EVL: variants seen among roughly 807,000 people sequenced by gnomAD.
EVL encodes Enah/Vasp-like.
In EVL, 21 loss-of-function variants were observed where a neutral mutation model predicts 59.6. The ratio of observed to expected loss-of-function variants is 0.35; its 90% CI spans 0.25 to 0.51. The LOEUF (loss-of-function observed/expected upper bound fraction) is 0.51, where lower values mean the gene tolerates loss of function less well. EVL is among the 20% of genes least tolerant of loss of function. EVL has a pLI of 0.97. For missense variants in EVL, 462 were observed against 546.6 expected (o/e 0.85, Z 1.54); for synonymous variants, 198 against 203.5 (o/e 0.97, Z 0.23).
intron 1 of EVL, among the ~76,000 whole-genome samples, chr14:100,023,367 G>C (rs2061159067): frequency 6.9e-6 from 1 of 145,270 alleles, no homozygotes; most frequent in Non-Finnish European, 1.5e-5. Flanking sequence ...ACCAAGCCCG[G>C]CTAATTTTTT....
intron 1 of EVL, among the ~76,000 whole-genome samples, chr14:100,005,430 T>C (rs1190443247): frequency 6.6e-6 from 1 of 152,180 alleles, no homozygotes; most frequent in East Asian, 1.9e-4. Flanking sequence ...TTGTAACCCC[T>C]ATGCCAAATT....
chr14:100,001,428 T>C (rs921847998), intron 1 of EVL, among the ~76,000 whole-genome samples: 2 of 152,230 alleles, frequency 1.3e-5, no homozygotes, highest in Non-Finnish European at 2.9e-5. Flanking sequence ...TGAAATAGAA[T>C]TCGTCTCTCT....
intron 1 of EVL, among the ~76,000 whole-genome samples, chr14:100,024,090 C>T (rs2061171618): frequency 6.6e-6 from 1 of 152,214 alleles, no homozygotes; most frequent in South Asian, 2.1e-4. Context: ...GATCTGAAAT[C>T]CACAATTGCT....
At chr14:100,092,922 C>G (rs754866753) in intron 2 of EVL, among the ~76,000 whole-genome samples, 2 of 152,186 alleles carry the variant, frequency 1.3e-5, no homozygotes, top group Non-Finnish European at 2.9e-5. Context: ...AAATAAGAAA[C>G]ATGGTTATCT....
chr14:100,063,637 A>G (rs1440890580), upstream of EVL, among the ~76,000 whole-genome samples: 4 of 152,232 alleles, frequency 2.6e-5, no homozygotes, highest in Non-Finnish European at 5.9e-5. Flanking sequence ...TAGAATAATT[A>G]GACAAAAACA....
chr14:100,139,027 A>C (rs1888990792), intron 11 of EVL: 1 of 152,196 alleles, frequency 6.6e-6, no homozygotes, highest in South Asian at 2.1e-4. Context: ...GCGGAGTTAG[A>C]AGTTTGCATT....
At position 100,059,140 on chromosome 14, in the gene EVL, A is replaced by G. The variant is rs554739952; in HGVS notation, c.6-25547A>G. On this transcript the variant is annotated intron_variant, in intron 1 of 13. Coordinates refer to the EVL transcript ENST00000402714. ...ACTTGCTCTCTTGACAAAAGCAACT[A>G]TGAAACTGTGTAAAATATGTGAAGC... 3.4e-4 allele frequency among the ~76,000 whole-genome samples: 52 copies of G among 151,572 alleles called. 1 individual carries two copies. The South Asian group carries it at 5.0e-3, about 15-fold the overall frequency.
At chr14:100,015,730 A>G (rs1243738934) in intron 1 of EVL, among the ~76,000 whole-genome samples, 1 of 152,130 alleles carries the variant, frequency 6.6e-6, no homozygotes, top group Non-Finnish European at 1.5e-5. Flanking sequence ...TTCTACTTTG[A>G]TCAGTTGTAT....
chr14:100,019,511 C>T, intron 1 of EVL: 1 of 607,126 alleles, frequency 1.6e-6, no homozygotes, highest in South Asian at 2.4e-5. Flanking sequence ...GCTGCAGGCC[C>T]CTGTCTGCAG....
chr14:100,102,695 C>A (rs899233348), intron 3 of EVL, among the ~76,000 whole-genome samples: 2 of 152,118 alleles, frequency 1.3e-5, no homozygotes, highest in African/African-American at 4.8e-5. Flanking sequence ...CCATGCTGGC[C>A]CCTACCCACC....
intron 1 of EVL, among the ~76,000 whole-genome samples, chr14:100,036,483 G>C (rs2061390285): frequency 6.6e-6 from 1 of 152,142 alleles, no homozygotes; most frequent in Admixed American, 6.5e-5. Flanking sequence ...TGACAAGAGA[G>C]CAAGTTCTCA....
rs1458884058 is a variant in EVL at position 100,114,299 on chromosome 14, C to T, written c.359-9240C>T. Among the ~76,000 whole-genome samples the T allele has an allele frequency of 1.3e-5, 2 of 152,096 alleles. No homozygotes were observed. Among genetic ancestry groups the T allele is most frequent in the Admixed American group, 1.3e-4 (2 of 15,272 alleles). On this transcript the variant is annotated intron_variant, in intron 3 of 13. Transcript: ENST00000392920. The surrounding 1 kb of genome is among the most constrained non-coding windows in gnomAD (Gnocchi z 5.0). Reference sequence around the variant, plus strand: ...TCTCTGCACACTTGCTCCCTTCTGACGCCACACCTACCCTGTTCCATCCCA... The same window carrying T: ...TCTCTGCACACTTGCTCCCTTCTGATGCCACACCTACCCTGTTCCATCCCA...
intron 1 of EVL, chr14:100,074,832 G>GAGGAGGGCAAGA (rs920145676): frequency 2.0e-5 from 3 of 152,928 alleles, no homozygotes; most frequent in Non-Finnish European, 4.4e-5. Flanking sequence ...CACAGGAGGC[G>GAGGAGGGCAAGA]AGGAGGGCAA....
chr14:100,022,243 C>CCTGAGAG (rs1462192769), intron 1 of EVL, among the ~76,000 whole-genome samples: 1 of 151,708 alleles, frequency 6.6e-6, no homozygotes, highest in African/African-American at 2.4e-5. Context: ...CATCCCCAGC[C>CCTGAGAG]CTGAGAGCAG....
chr14:99,977,286 G>C (rs2060776494), intron 1 of EVL: 2 of 152,038 alleles, frequency 1.3e-5, no homozygotes, highest in Non-Finnish European at 2.9e-5. Flanking sequence ...AAAAGATTTG[G>C]GGGGCAGGTA....
intron 4 of EVL, among the ~76,000 whole-genome samples, chr14:100,125,251 A>AAT (rs1201133710): frequency 1.0e-5 from 1 of 97,818 alleles, no homozygotes; most frequent in East Asian, 2.9e-4. Context: ...CCAAGGCAGG[A>AAT]ATACACACAC....
chr14:100,093,647 C>T lies in EVL; in HGVS notation c.181-3834C>T, dbSNP rs78300088. Among the ~76,000 whole-genome samples the T allele has an allele frequency of 3.1e-3, 467 of 152,286 alleles. 4 individuals carry two copies. The highest frequency in any genetic ancestry group is 0.011 in the African/African-American group (442 of 41,552). Reference sequence around the variant, plus strand: ...CCAGAGAACTTACAGAACTGGGATACGTCCTCTAGAAAGGCTTCACTGCAC... The same window carrying T: ...CCAGAGAACTTACAGAACTGGGATATGTCCTCTAGAAAGGCTTCACTGCAC... On this transcript the variant is annotated intron_variant, in intron 2 of 13. Coordinates refer to ENST00000392920, the MANE Select transcript of EVL (RefSeq NM_016337.3).
chr14:100,136,968 C>T (rs750509030), intron 9 of EVL: 9 of 154,828 alleles, frequency 5.8e-5, no homozygotes, highest in South Asian at 4.0e-4. Context: ...TCAATCCCAC[C>T]GTTGGTCCGC....
chr14:100,029,043 A>G (rs1262349993), intron 1 of EVL, among the ~76,000 whole-genome samples: 3 of 152,218 alleles, frequency 2.0e-5, no homozygotes, highest in East Asian at 1.9e-4. Context: ...ACATTGCTGT[A>G]TTGTTTGTAT....
Sources: allele counts gnomAD v4.1 joint callset (sites outside exome capture counted in the v4.1 genomes callset), GRCh38; gene constraint gnomAD v4.1.1; non-coding constraint Gnocchi (gnomAD v3.1); transcripts MANE v1.5; gene names NCBI Gene and HGNC (gene_info 2026-07-23, HGNC 2026-07-21).